KIF21A: variants seen among roughly 807,000 people sequenced by gnomAD.
KIF21A encodes the protein kinesin family member 21A.
In KIF21A, 114 loss-of-function variants were observed where a neutral mutation model predicts 202.9. The observed-to-expected ratio is 0.56, with a 90% confidence interval of 0.48 to 0.66. KIF21A has a LOEUF of 0.66. Among genes scored for constraint, KIF21A ranks in the 30% least tolerant of loss-of-function variants. KIF21A has a pLI of 0.00. For synonymous variants in KIF21A, 667 were observed against 670.8 expected (o/e 0.99, Z 0.09); for missense variants, 1,677 against 1,994.9 (o/e 0.84, Z 3.04).
chr12:39,388,486 G>C (rs1233984891), intron 1 of KIF21A, among the ~76,000 whole-genome samples: 1 of 152,060 alleles, frequency 6.6e-6, no homozygotes, highest in Non-Finnish European at 1.5e-5. Flanking sequence ...TCCTCTTCCT[G>C]CTAGGCTGTA....
At chr12:39,311,795 C>T (rs1325021235) in intron 31 of KIF21A, 11 of 465,252 alleles carry the variant, frequency 2.4e-5, no homozygotes, top group Non-Finnish European at 4.3e-5. Context: ...GACTATAATA[C>T]ATCTAGATTT....
chr12:39,330,210 T>C (rs781766308), intron 24 of KIF21A, 32 bp downstream of exon 24: 1 of 1,589,532 alleles, frequency 6.3e-7, no homozygotes, highest in South Asian at 1.1e-5. Flanking sequence ...TTCATGCAGC[T>C]GTAGGATACA....
At chr12:39,422,061 C>A (rs7305814) in intron 1 of KIF21A, among the ~76,000 whole-genome samples, 2,389 of 151,524 alleles carry the variant, frequency 0.016, 54 homozygotes, top group African/African-American at 0.054. Flanking sequence ...CTAGCTCAAG[C>A]GATTCTCCCA....
chr12:39,323,534 C>T (rs958277442), intron 26 of KIF21A, among the ~76,000 whole-genome samples: 1 of 152,118 alleles, frequency 6.6e-6, no homozygotes, highest in East Asian at 1.9e-4. Context: ...CTTTGGGCAG[C>T]CTTCTGAGGC....
At chr12:39,422,502 AGAC>A (rs1006715412) in intron 1 of KIF21A, among the ~76,000 whole-genome samples, 3 of 152,208 alleles carry the variant, frequency 2.0e-5, no homozygotes, top group Non-Finnish European at 4.4e-5. Context: ...ACTGTCAATA[AGAC>A]AAGACAATAA....
At chr12:39,395,889 C>T (rs1247601048) in intron 1 of KIF21A, among the ~76,000 whole-genome samples, 1 of 150,446 alleles carries the variant, frequency 6.6e-6, no homozygotes, top group Non-Finnish European at 1.5e-5. Flanking sequence ...CTTTCTTTTT[C>T]TTCCTTCCCC....
intron 1 of KIF21A, among the ~76,000 whole-genome samples, chr12:39,376,460 C>A (rs773632977): frequency 3.3e-5 from 5 of 151,974 alleles, no homozygotes; most frequent in Non-Finnish European, 7.4e-5. Flanking sequence ...AGGAATAGAA[C>A]TAAGGTCCTG....
In KIF21A at chr12:39,306,375, A is replaced by G. The variant is rs571446371; in HGVS notation, c.4442+1190T>C. Among the ~76,000 whole-genome samples, 7 of 152,328 alleles carry G rather than the reference A, an allele frequency of 4.6e-5. 1 individual carries two copies. The South Asian group carries it at 8.3e-4, about 18-fold the overall frequency. On this transcript the variant is annotated intron_variant, in intron 34 of 37. Transcript: ENST00000361418. ...CTATGAGTCAGATTAAATATCTTCA[A>G]GAATAAACCAAGTCCTCACCTCTTT...
chr12:39,383,619 A>T (rs892763017), intron 1 of KIF21A, among the ~76,000 whole-genome samples: 1 of 152,148 alleles, frequency 6.6e-6, no homozygotes, highest in African/African-American at 2.4e-5. Flanking sequence ...ATCTAATAAT[A>T]AAAAATGAGG....
At chr12:39,296,512 G>A (rs1215754394) in intron 37 of KIF21A, among the ~76,000 whole-genome samples, 2 of 152,178 alleles carry the variant, frequency 1.3e-5, no homozygotes, top group South Asian at 2.1e-4. Flanking sequence ...AAGGTGACTA[G>A]TGCCACAGGG....
intron 7 of KIF21A, among the ~76,000 whole-genome samples, chr12:39,358,934 C>T (rs116304555): frequency 0.011 from 1,672 of 152,206 alleles, 39 homozygotes; most frequent in African/African-American, 0.036. Context: ...CATTACTTTA[C>T]GGTCATGATA....
chr12:39,431,337 T>C (rs969803524), intron 1 of KIF21A, among the ~76,000 whole-genome samples: 3 of 152,132 alleles, frequency 2.0e-5, no homozygotes, highest in African/African-American at 4.8e-5. Context: ...TTTCAATAAT[T>C]TCACTTTGTC....
At chr12:39,330,317 T>G in intron 23 of KIF21A, 55 bp from the exon 24 acceptor site, 2 of 1,527,478 alleles carry the variant, frequency 1.3e-6, no homozygotes, top group Non-Finnish European at 1.8e-6. Context: ...TCAAAACAGA[T>G]CCAATGTTAA....
At chr12:39,349,530 G>A (rs1410483470) in intron 11 of KIF21A, among the ~76,000 whole-genome samples, 3 of 152,040 alleles carry the variant, frequency 2.0e-5, no homozygotes, top group African/African-American at 7.2e-5. Flanking sequence ...GAGCACTTTA[G>A]TAAAGCTGCT....
chr12:39,327,102 T>C (rs78478997), intron 24 of KIF21A, among the ~76,000 whole-genome samples: 14,745 of 152,220 alleles, frequency 0.097, 836 homozygotes, highest in South Asian at 0.29. Flanking sequence ...TTTTAATGTA[T>C]ATTTTATTAT....
At chr12:39,435,341 A>G (rs1020830303) in intron 1 of KIF21A, among the ~76,000 whole-genome samples, 1 of 152,212 alleles carries the variant, frequency 6.6e-6, no homozygotes, top group Non-Finnish European at 1.5e-5. Flanking sequence ...GAGGTTTTGA[A>G]CATTTCAAGC....
chr12:39,368,135 T>C, intron 3 of KIF21A, 103 bp from the exon 4 acceptor site: 3 of 729,824 alleles, frequency 4.1e-6, no homozygotes, highest in South Asian at 3.4e-5. Context: ...TTTTAAAGTA[T>C]TTCAAAATGA....
chr12:39,439,274 G>T (rs1472849839), intron 1 of KIF21A, among the ~76,000 whole-genome samples: 1 of 152,122 alleles, frequency 6.6e-6, no homozygotes, highest in Non-Finnish European at 1.5e-5. Context: ...ACATTTTTAA[G>T]TTATAGTGCA....
chr12:39,395,842 CAAA>C (rs747398067), intron 1 of KIF21A, among the ~76,000 whole-genome samples: 15 of 84,956 alleles, frequency 1.8e-4, no homozygotes, highest in African/African-American at 4.3e-4. Context: ...GACTCCGTCT[CAAA>C]AAAAAAAAAA....
Sources: allele counts gnomAD v4.1 joint callset (sites outside exome capture counted in the v4.1 genomes callset), GRCh38; gene constraint gnomAD v4.1.1; transcripts MANE v1.5; gene names NCBI Gene and HGNC (gene_info 2026-07-23, HGNC 2026-07-21).